The following SLC24A2 variants were observed in gnomAD, a reference collection of about 807,000 sequenced individuals.
The protein encoded by SLC24A2 is solute carrier family 24 member 2, also known as sodium/potassium/calcium exchanger 2.
A neutral mutation model predicts 62.0 loss-of-function variants in SLC24A2; 36 were observed. That is an observed-to-expected ratio of 0.58 (90% confidence interval 0.44 to 0.77). The LOEUF (loss-of-function observed/expected upper bound fraction) is 0.77, where lower values mean the gene tolerates loss of function less well. Ranked by LOEUF, SLC24A2 falls within the 30% of genes least tolerant of loss-of-function variation. The pLI is 0.00. For missense variants in SLC24A2, 846 were observed against 817.9 expected (o/e 1.03, Z -0.42); for synonymous variants, 358 against 294.0 (o/e 1.22, Z -2.23).
the SLC24A2 span, among the ~76,000 whole-genome samples, chr9:19,843,780 G>A: frequency 2.0e-5 from 3 of 152,032 alleles, no homozygotes; most frequent in Admixed American, 6.6e-5. Context: ...GTGATATTTG[G>A]TATTCTGTTC....
chr9:20,141,030 T>C, the SLC24A2 span, among the ~76,000 whole-genome samples: 2 of 152,248 alleles, frequency 1.3e-5, no homozygotes, highest in South Asian at 4.1e-4. Flanking sequence ...CCTCAGAAGA[T>C]TTCTGTATCA....
the SLC24A2 span, among the ~76,000 whole-genome samples, chr9:19,905,707 C>T: frequency 6.6e-6 from 1 of 152,130 alleles, no homozygotes; most frequent in Non-Finnish European, 1.5e-5. Flanking sequence ...CTTCCCACCT[C>T]TTTAGGGACC....
the SLC24A2 span, among the ~76,000 whole-genome samples, chr9:20,258,403 GGC>G: frequency 6.6e-6 from 1 of 152,232 alleles, no homozygotes; most frequent in African/African-American, 2.4e-5. Flanking sequence ...AGAGGAGACT[GGC>G]ATGTGGGTCA....
At chr9:20,288,034 GGAAA>G in the SLC24A2 span, among the ~76,000 whole-genome samples, 2 of 45,130 alleles carry the variant, frequency 4.4e-5, no homozygotes, top group African/African-American at 1.9e-4. Context: ...GGAGGAGTTA[GGAAA>G]AAAACACACA....
intron 2 of SLC24A2, among the ~76,000 whole-genome samples, chr9:19,733,070 T>A (rs1230533134): frequency 1.4e-5 from 2 of 139,616 alleles, no homozygotes; most frequent in Non-Finnish European, 3.0e-5. Context: ...TTAGAAGTCT[T>A]AAGATGTGAC....
At chr9:19,989,409 A>AAAAAACT in the SLC24A2 span, among the ~76,000 whole-genome samples, 2 of 152,312 alleles carry the variant, frequency 1.3e-5, no homozygotes, top group Admixed American at 1.3e-4. Flanking sequence ...AGCACTTACT[A>AAAAAACT]AAAAACATGA....
chr9:20,036,159 T>A, the SLC24A2 span, among the ~76,000 whole-genome samples: 2 of 152,202 alleles, frequency 1.3e-5, no homozygotes, highest in Non-Finnish European at 2.9e-5. Context: ...GGCAATAACA[T>A]TTTAGTTTTA....
upstream of SLC24A2, among the ~76,000 whole-genome samples, chr9:19,789,895 C>T (rs77173801): frequency 0.011 from 1,653 of 152,256 alleles, 28 homozygotes; most frequent in African/African-American, 0.035. Flanking sequence ...TGTTCTCTCC[C>T]CCATCCAAGA....
At chr9:19,736,090 T>A (rs1821501916) in intron 2 of SLC24A2, among the ~76,000 whole-genome samples, 2 of 152,198 alleles carry the variant, frequency 1.3e-5, no homozygotes, top group Non-Finnish European at 2.9e-5. Context: ...AGATTCTTAG[T>A]ACATGCTGTC....
intron 2 of SLC24A2, among the ~76,000 whole-genome samples, chr9:19,626,472 C>T (rs896567160): frequency 1.3e-5 from 2 of 152,144 alleles, no homozygotes; most frequent in Non-Finnish European, 2.9e-5. Flanking sequence ...ATAAACAGTT[C>T]GTTGCTAAAG....
intron 2 of SLC24A2, among the ~76,000 whole-genome samples, chr9:19,721,751 T>C (rs1223206164): frequency 6.6e-6 from 1 of 152,158 alleles, no homozygotes; most frequent in Non-Finnish European, 1.5e-5. Context: ...TTCCAACACA[T>C]AACAGCCTTC....
chr9:20,039,413 C>A, the SLC24A2 span, among the ~76,000 whole-genome samples: 1 of 151,914 alleles, frequency 6.6e-6, no homozygotes, highest in African/African-American at 2.4e-5. Context: ...GAAACCCAGT[C>A]CAGGGCAGGA....
At chr9:19,706,685 G>C (rs900522671) in intron 2 of SLC24A2, among the ~76,000 whole-genome samples, 2 of 151,964 alleles carry the variant, frequency 1.3e-5, no homozygotes, top group Non-Finnish European at 2.9e-5. Context: ...GCCGGGTCTT[G>C]ATTCTTTATC....
At chr9:19,548,296 G>A (rs1235138256) in intron 8 of SLC24A2, among the ~76,000 whole-genome samples, 1 of 151,696 alleles carries the variant, frequency 6.6e-6, no homozygotes, top group East Asian at 1.9e-4. Context: ...TCTACTTTGT[G>A]GCATCACTAA....
the SLC24A2 span, among the ~76,000 whole-genome samples, chr9:20,199,348 A>G: frequency 5.3e-5 from 8 of 152,326 alleles, no homozygotes; most frequent in Non-Finnish European, 1.2e-4. Context: ...CAGGCACTGT[A>G]TATTACTAAA....
chr9:20,056,571 T>A, the SLC24A2 span, among the ~76,000 whole-genome samples: 1 of 152,232 alleles, frequency 6.6e-6, no homozygotes, highest in African/African-American at 2.4e-5. Flanking sequence ...GAATTTTAAT[T>A]TAGCTCCTCA....
the SLC24A2 span, among the ~76,000 whole-genome samples, chr9:20,041,554 C>G: frequency 6.6e-6 from 1 of 152,180 alleles, no homozygotes; most frequent in Admixed American, 6.5e-5. Context: ...CAAAACCAGC[C>G]TTGTATCATC....
At chr9:19,846,769 G>A in the SLC24A2 span, among the ~76,000 whole-genome samples, 8 of 152,098 alleles carry the variant, frequency 5.3e-5, no homozygotes, top group Non-Finnish European at 1.2e-4. Flanking sequence ...GCTCATGTCT[G>A]TAATCCCAGC....
the SLC24A2 span, among the ~76,000 whole-genome samples, chr9:20,199,502 T>A: frequency 1.3e-5 from 2 of 152,192 alleles, no homozygotes; most frequent in African/African-American, 2.4e-5. Flanking sequence ...CTATGAGGCA[T>A]CTTGAGAGTG....
Sources: allele counts gnomAD v4.1 joint callset (sites outside exome capture counted in the v4.1 genomes callset), GRCh38; gene constraint gnomAD v4.1.1; transcripts MANE v1.5; gene names NCBI Gene and HGNC (gene_info 2026-07-23, HGNC 2026-07-21).